The following ARID1B variants were observed in gnomAD, a reference collection of about 807,000 sequenced individuals.
ARID1B encodes the protein AT-rich interactive domain-containing protein 1B.
In ARID1B, 30 loss-of-function variants were observed where a neutral mutation model predicts 212.3. The observed-to-expected ratio is 0.14, with a 90% CI of 0.11 to 0.19. The LOEUF (loss-of-function observed/expected upper bound fraction) is 0.19. Ranked by LOEUF, ARID1B falls within the 10% of genes least tolerant of loss-of-function variation. ARID1B has a pLI of 1.00. For missense variants in ARID1B, 2,891 were observed against 3,204.0 expected (o/e 0.90, Z 2.36); for synonymous variants, 1,402 against 1,301.7 (o/e 1.08, Z -1.66).
chr6:156,970,253 T>G (rs528642934), intron 4 of ARID1B, among the ~76,000 whole-genome samples: 1 of 152,182 alleles, frequency 6.6e-6, no homozygotes, highest in East Asian at 1.9e-4. Context: ...GCTAATTTTT[T>G]GTATTTTTTA....
intron 4 of ARID1B, among the ~76,000 whole-genome samples, chr6:157,058,905 CA>C (rs1306019035): frequency 6.6e-6 from 1 of 152,120 alleles, no homozygotes; most frequent in Non-Finnish European, 1.5e-5. Flanking sequence ...TAGCTCTTTG[CA>C]GAGGAGGGTA....
chr6:156,889,926 A>G, intron 2 of ARID1B, among the ~76,000 whole-genome samples: 1 of 152,230 alleles, frequency 6.6e-6, no homozygotes, highest in Non-Finnish European at 1.5e-5. Context: ...AGCCTGAAGG[A>G]GTTAATTTTA....
At chr6:157,068,220 CA>C in intron 4 of ARID1B, among the ~76,000 whole-genome samples, 1 of 152,342 alleles carries the variant, frequency 6.6e-6, no homozygotes, top group Non-Finnish European at 1.5e-5. Flanking sequence ...TGATAAAATA[CA>C]TTTTACTTAT....
intron 13 of ARID1B, among the ~76,000 whole-genome samples, chr6:157,187,984 A>G (rs1009347787): frequency 6.6e-6 from 1 of 152,160 alleles, no homozygotes; most frequent in African/African-American, 2.4e-5. Flanking sequence ...ACCCTTTTAT[A>G]TCTGCAAAAG....
intron 6 of ARID1B, among the ~76,000 whole-genome samples, chr6:157,124,267 A>G (rs1028427747): frequency 1.3e-5 from 2 of 152,238 alleles, no homozygotes; most frequent in Admixed American, 6.5e-5. Context: ...CTAAGACCAC[A>G]TGTTTTTGGT....
chr6:157,073,843 T>A (rs1328481818), intron 4 of ARID1B, among the ~76,000 whole-genome samples: 1 of 152,226 alleles, frequency 6.6e-6, no homozygotes, highest in Admixed American at 6.5e-5. Context: ...GCCAGACAGA[T>A]CATGCTTAGT....
chr6:156,791,627 T>C (rs1780015483), intron 1 of ARID1B, among the ~76,000 whole-genome samples: 1 of 152,186 alleles, frequency 6.6e-6, no homozygotes, highest in Non-Finnish European at 1.5e-5. Flanking sequence ...ATCCCTGACC[T>C]GGGCAGAGGT....
At chr6:156,960,237 C>G (rs971993710) in intron 4 of ARID1B, among the ~76,000 whole-genome samples, 1 of 151,956 alleles carries the variant, frequency 6.6e-6, no homozygotes, top group Admixed American at 6.6e-5. Flanking sequence ...CCACTTGTCC[C>G]CTTCTTAATT....
Position 156,820,428 on chromosome 6 carries a change from T to C in ARID1B, c.1792-8799T>C, listed in dbSNP as rs9478736. Reference sequence around the variant, plus strand: ...GTATGCAAAGATGAATAAGACAAAATTTTCACCTTGAAATTAACAGTCTGC... The same window carrying C: ...GTATGCAAAGATGAATAAGACAAAACTTTCACCTTGAAATTAACAGTCTGC... On this transcript the variant is annotated intron_variant, in intron 1 of 19. Coordinates refer to ENST00000636930, the MANE Select transcript of ARID1B (RefSeq NM_001374828.1). Among the ~76,000 whole-genome samples the C allele has an allele frequency of 5.2e-3, 787 of 152,250 alleles. 7 individuals carry two copies. Among genetic ancestry groups the C allele is most frequent in the African/African-American group, 0.018 (747 of 41,538 alleles).
At chr6:157,006,030 C>T (rs909134513) in intron 4 of ARID1B, among the ~76,000 whole-genome samples, 2 of 151,998 alleles carry the variant, frequency 1.3e-5, no homozygotes, top group African/African-American at 2.4e-5. Flanking sequence ...CCTTCTTATT[C>T]TTGCCACCCC....
At position 156,988,059 on chromosome 6, in the gene ARID1B, T is replaced by C. The variant is rs1441082796; in HGVS notation, c.2247+52483T>C. On this transcript the variant is annotated intron_variant, in intron 4 of 19. Transcript: ENST00000636930. ...TCTAGATGCTTACTGTTGGTACATA[T>C]AGGCAAAACACTCTAAAAAAATCTG... Among the ~76,000 whole-genome samples the C allele has an allele frequency of 1.1e-4, 16 of 151,706 alleles. No individual in the cohort carries two copies. In the East Asian group the frequency reaches 3.1e-3, roughly 29 times the overall value.
intron 4 of ARID1B, among the ~76,000 whole-genome samples, chr6:156,996,296 G>A (rs749016204): frequency 6.6e-6 from 1 of 152,176 alleles, no homozygotes; most frequent in Non-Finnish European, 1.5e-5. Context: ...TTCCTGCAGC[G>A]AGGTCATGTC....
chr6:156,960,816 T>C (rs1794320498), intron 4 of ARID1B, among the ~76,000 whole-genome samples: 1 of 152,186 alleles, frequency 6.6e-6, no homozygotes. Context: ...CTGTATTTTT[T>C]TTAAGGCATG....
intron 4 of ARID1B, among the ~76,000 whole-genome samples, chr6:156,972,804 A>G (rs1777015222): frequency 1.3e-5 from 2 of 152,174 alleles, no homozygotes; most frequent in Non-Finnish European, 1.5e-5. Context: ...TAACAAACCA[A>G]CCACCAAAAA....
intron 2 of ARID1B, among the ~76,000 whole-genome samples, chr6:156,884,853 A>G (rs1185852904): frequency 6.6e-6 from 1 of 152,064 alleles, no homozygotes; most frequent in Non-Finnish European, 1.5e-5. Context: ...AAATATTATC[A>G]TTTCCCCCCA....
At position 157,031,428 on chromosome 6, in the gene ARID1B, C is replaced by A. The variant is rs572226441; in HGVS notation, c.2248-53234C>A. ...TATTCTTTCCAAGAGCATCTAAATT[C>A]TTGGTAATACCCTTGCAGATAAATA... is the stretch of plus-strand genomic sequence containing the variant. On this transcript the variant is annotated intron_variant, in intron 4 of 19. Coordinates refer to ENST00000636930, the MANE Select transcript of ARID1B (RefSeq NM_001374828.1). 6.6e-5 allele frequency among the ~76,000 whole-genome samples: 10 copies of A among 152,302 alleles called. No individual in the cohort carries two copies. In the East Asian group the frequency reaches 1.9e-3, roughly 29 times the overall value.
At chr6:157,100,382 GA>G (rs1456925817) in intron 5 of ARID1B, among the ~76,000 whole-genome samples, 60 of 152,318 alleles carry the variant, frequency 3.9e-4, no homozygotes, top group African/African-American at 1.3e-3. Context: ...CTGTTAACCG[GA>G]ACCACTAAGC....
intron 2 of ARID1B, among the ~76,000 whole-genome samples, chr6:156,874,515 A>G (rs189576709): frequency 1.0e-3 from 158 of 152,320 alleles, no homozygotes; most frequent in African/African-American, 3.6e-3. Context: ...AAGGCCTGGC[A>G]TGCATGGTGT....
At chr6:156,820,357 C>T (rs1782268632) in intron 1 of ARID1B, among the ~76,000 whole-genome samples, 1 of 152,090 alleles carries the variant, frequency 6.6e-6, no homozygotes, top group Non-Finnish European at 1.5e-5. Flanking sequence ...GTTCCTTTCT[C>T]ATGTCAACAA....
Sources: gnomAD v4.1 joint callset for allele counts (sites outside exome capture counted in the v4.1 genomes callset) on GRCh38, gnomAD v4.1.1 for gene constraint, MANE v1.5 for transcripts, NCBI Gene and HGNC (gene_info 2026-07-23, HGNC 2026-07-21) for gene names.